IL7: variants seen among roughly 807,000 people sequenced by gnomAD.
IL7 encodes interleukin 7, also known as interleukin-7.
A neutral mutation model predicts 21.6 loss-of-function variants in IL7; 3 were observed. The observed-to-expected ratio is 0.14, with a 90% CI of 0.06 to 0.36. The LOEUF is 0.36. Among genes scored for constraint, IL7 ranks in the 10% least tolerant of loss-of-function variants. IL7 has a pLI of 1.00. For missense variants in IL7, 175 were observed against 200.2 expected, an observed-to-expected ratio of 0.87 and a Z score of 0.76; for synonymous variants, 62 against 68.1, an observed-to-expected ratio of 0.91 and a Z score of 0.44.
chr8:78,677,976 A>G (rs776391383), intron 4 of IL7, among the ~76,000 whole-genome samples: 3 of 152,162 alleles, frequency 2.0e-5, no homozygotes, highest in Non-Finnish European at 4.4e-5. Context: ...CATATAGGGT[A>G]ACTTCCTGAT....
chr8:78,760,234 C>G, intron 2 of IL7: 1 of 1,602,512 alleles, frequency 6.2e-7, no homozygotes, highest in Non-Finnish European at 8.5e-7. Context: ...AAATCCAGGT[C>G]GTGTTTTATA....
chr8:78,750,004 C>T (rs1001478429), intron 2 of IL7, among the ~76,000 whole-genome samples: 5 of 152,010 alleles, frequency 3.3e-5, no homozygotes, highest in African/African-American at 1.2e-4. Flanking sequence ...CACTGCACTC[C>T]AGCCTGGGTG....
chr8:78,717,480 G>T, downstream of IL7: 1 of 1,536,250 alleles, frequency 6.5e-7, no homozygotes, highest in Non-Finnish European at 8.7e-7. Flanking sequence ...GGCATTCGAA[G>T]AATGATTCTA....
chr8:78,770,704 C>G (rs1227307887), intron 2 of IL7, among the ~76,000 whole-genome samples: 2 of 151,956 alleles, frequency 1.3e-5, no homozygotes, highest in Admixed American at 1.3e-4. Context: ...CACACACATA[C>G]ACACGCACAC....
chr8:78,710,337 G>A (rs1323272653), intron 3 of IL7, among the ~76,000 whole-genome samples: 1 of 152,042 alleles, frequency 6.6e-6, no homozygotes, highest in Non-Finnish European at 1.5e-5. Flanking sequence ...TATAATACAA[G>A]TATGGTTAAA....
At chr8:78,804,699 G>C (rs1261033524) in intron 1 of IL7, among the ~76,000 whole-genome samples, 2 of 152,200 alleles carry the variant, frequency 1.3e-5, no homozygotes, top group Non-Finnish European at 2.9e-5. Context: ...CAGCCTGCCA[G>C]GGGCAGCAGC....
At chr8:78,709,275 A>G (rs1368900734) in intron 3 of IL7, among the ~76,000 whole-genome samples, 2 of 152,194 alleles carry the variant, frequency 1.3e-5, no homozygotes, top group Admixed American at 1.3e-4. Flanking sequence ...TGTTTCTCAT[A>G]CCTTATTTAA....
intron 2 of IL7, among the ~76,000 whole-genome samples, chr8:78,756,438 A>T (rs986912300): frequency 6.6e-6 from 1 of 151,964 alleles, no homozygotes; most frequent in Admixed American, 6.6e-5. Flanking sequence ...AAATAAAGCC[A>T]TCTGGTCCTG....
downstream of IL7, among the ~76,000 whole-genome samples, chr8:78,714,691 G>A (rs1811045230): frequency 6.6e-6 from 1 of 152,176 alleles, no homozygotes; most frequent in South Asian, 2.1e-4. Context: ...AGCCCAGGCT[G>A]TGCAGTTGGT....
At chr8:78,769,280 A>G (rs999902041) in intron 2 of IL7, among the ~76,000 whole-genome samples, 1 of 152,130 alleles carries the variant, frequency 6.6e-6, no homozygotes, top group African/African-American at 2.4e-5. Flanking sequence ...TATATCTAGA[A>G]AACCCCATTG....
downstream of IL7, among the ~76,000 whole-genome samples, chr8:78,716,283 T>C (rs910513029): frequency 4.0e-5 from 6 of 151,258 alleles, no homozygotes; most frequent in East Asian, 6.0e-4. Context: ...CCACCACGCC[T>C]GGCTAATTTT....
chr8:78,704,119 C>T (rs1025649337), intron 3 of IL7, among the ~76,000 whole-genome samples: 2 of 151,968 alleles, frequency 1.3e-5, no homozygotes, highest in Non-Finnish European at 2.9e-5. Flanking sequence ...TGGTGGCTCA[C>T]GCCTGTAATC....
At chr8:78,743,349 C>T (rs184506246) in intron 2 of IL7, among the ~76,000 whole-genome samples, 1 of 152,130 alleles carries the variant, frequency 6.6e-6, no homozygotes, top group Non-Finnish European at 1.5e-5. Flanking sequence ...GATTTACATT[C>T]CCACCAACAG....
chr8:78,756,955 T>A (rs1812368672), intron 2 of IL7, among the ~76,000 whole-genome samples: 1 of 151,962 alleles, frequency 6.6e-6, no homozygotes, highest in Non-Finnish European at 1.5e-5. Context: ...CTTGCTTTTC[T>A]AGTTCCTTGT....
intron 3 of IL7, among the ~76,000 whole-genome samples, chr8:78,695,197 A>G (rs774193658): frequency 2.8e-4 from 43 of 152,320 alleles, no homozygotes; most frequent in Non-Finnish European, 4.7e-4. Context: ...GGATATAAGT[A>G]AGGTTGTTCT....
chr8:78,687,823 ATTCATG>A (rs1364310620), intron 3 of IL7, among the ~76,000 whole-genome samples: 72 of 125,810 alleles, frequency 5.7e-4, no homozygotes, highest in Non-Finnish European at 8.5e-4. Flanking sequence ...AAATATATAT[ATTCATG>A]TAATAAATTA....
At chr8:78,782,269 C>T (rs183970692) in intron 2 of IL7, among the ~76,000 whole-genome samples, 7 of 152,192 alleles carry the variant, frequency 4.6e-5, no homozygotes, top group South Asian at 4.1e-4. Context: ...AAAGGTGTTG[C>T]GATCATTTCA....
chr8:78,724,289 T>G (rs1811302687), intron 3 of IL7, among the ~76,000 whole-genome samples: 1 of 152,050 alleles, frequency 6.6e-6, no homozygotes, highest in African/African-American at 2.4e-5. Context: ...ACAGTTAATC[T>G]AAATATTTAA....
At chr8:78,782,944 T>C (rs1173776573) in intron 2 of IL7, among the ~76,000 whole-genome samples, 1 of 152,146 alleles carries the variant, frequency 6.6e-6, no homozygotes, top group Non-Finnish European at 1.5e-5. Flanking sequence ...GGGTGCAGCC[T>C]AAAGAGGCAG....
Sources: gnomAD v4.1 joint callset for allele counts (sites outside exome capture counted in the v4.1 genomes callset) on GRCh38, gnomAD v4.1.1 for gene constraint, MANE v1.5 for transcripts, NCBI Gene and HGNC (gene_info 2026-07-23, HGNC 2026-07-21) for gene names.